The following GLYR1 variants were observed in gnomAD, a reference collection of about 807,000 sequenced individuals.
GLYR1 encodes the protein cytokine-like nuclear factor N-PAC.
In GLYR1, 21 loss-of-function variants were observed where a neutral mutation model predicts 72.7. The ratio of observed to expected loss-of-function variants is 0.29; its 90% CI spans 0.20 to 0.42. The LOEUF is 0.42. Ranked by LOEUF, GLYR1 falls within the 10% of genes least tolerant of loss-of-function variation. The probability of loss-of-function intolerance (pLI) is 1.00; values close to 1 mark genes in which losing one functional copy is unlikely to be tolerated. For missense variants in GLYR1, 594 were observed against 712.1 expected, an observed-to-expected ratio of 0.83 and a Z score of 1.89; for synonymous variants, 392 against 270.2, an observed-to-expected ratio of 1.45 and a Z score of -4.42.
chr16:4,837,450 T>C (rs73517010), intron 3 of GLYR1, among the ~76,000 whole-genome samples: 4,799 of 149,518 alleles, frequency 0.032, 258 homozygotes, highest in African/African-American at 0.11. Flanking sequence ...AAAAAGAAAA[T>C]CATACATGTA....
chr16:4,846,238 T>C, intron 1 of GLYR1, 28 bp from the exon 2 acceptor site: 1 of 1,613,520 alleles, frequency 6.2e-7, no homozygotes, highest in South Asian at 1.1e-5. Flanking sequence ...AGTCAACACT[T>C]GCCCTGCAAA....
intron 10 of GLYR1, 90 bp from the exon 11 acceptor site, chr16:4,814,737 G>C (rs1382546886): frequency 1.9e-6 from 2 of 1,059,054 alleles, no homozygotes; most frequent in Non-Finnish European, 2.9e-6. Context: ...AGGCCTCCTG[G>C]CGGCCTACCA....
At chr16:4,844,471 T>C (rs2085815640) in intron 3 of GLYR1, among the ~76,000 whole-genome samples, 2 of 152,244 alleles carry the variant, frequency 1.3e-5, no homozygotes, top group African/African-American at 4.8e-5. Context: ...TGAACATGGC[T>C]TTTATAAAAA....
intron 9 of GLYR1, among the ~76,000 whole-genome samples, chr16:4,819,523 C>G (rs1249530756): frequency 6.6e-6 from 1 of 152,074 alleles, no homozygotes; most frequent in Non-Finnish European, 1.5e-5. Context: ...ATTTCCTAGG[C>G]TGGTCATGAA....
intron 3 of GLYR1, among the ~76,000 whole-genome samples, chr16:4,834,656 G>C (rs1356835454): frequency 1.3e-5 from 2 of 152,010 alleles, no homozygotes; most frequent in Non-Finnish European, 2.9e-5. Flanking sequence ...AGTAGAGACG[G>C]GGTTTCCCTG....
Position 4,804,990 on chromosome 16 carries a change from C to T in GLYR1, c.*246G>A. ...GTGTGTGAACACACAGCCACCTCGT[C>T]CGGGGGGCCAGTGCCCAGCTCAAGA... On this transcript the variant is annotated 3_prime_UTR_variant, in exon 16 of 16. Transcript: ENST00000321919. The T allele has an allele frequency of 3.7e-6, 2 of 538,074 alleles. No individual in the cohort carries two copies. The highest frequency in any genetic ancestry group is 6.7e-6 in the Non-Finnish European group (2 of 296,514). 33.3% of individuals were successfully genotyped at this position (538,074 alleles called of 1,614,324 possible).
At chr16:4,819,155 A>G (rs1040065749) in intron 9 of GLYR1, among the ~76,000 whole-genome samples, 4 of 151,992 alleles carry the variant, frequency 2.6e-5, no homozygotes, top group African/African-American at 9.7e-5. Context: ...TCTTGTTTTT[A>G]TAGTTTTTAA....
chr16:4,811,790 T>A lies in GLYR1; in HGVS notation c.1295A>T (p.Asn432Ile). Residue 432 changes from asparagine to isoleucine, a missense_variant, in exon 14 of 16, where the codon AAT (asparagine) becomes ATT (isoleucine). Around this residue, in one of 5 missense-constraint regions of GLYR1, gnomAD observed 266 missense variants for 358.4 expected, o/e 0.74. Transcript: ENST00000321919. Reference sequence around the variant, plus strand: ...CACGATCAGCATCATCTTGGCTGCATTGCCCACTTCACCTGCCCAGGGTAA... The same window carrying A: ...CACGATCAGCATCATCTTGGCTGCAATGCCCACTTCACCTGCCCAGGGTAA... ...KTSFFLGEVG[N>I]AAKMMLIVNM... 1.2e-6 allele frequency: 2 copies of A among 1,613,204 alleles called. No individual in the cohort carries two copies.
intron 4 of GLYR1, 176 bp downstream of exon 4, chr16:4,832,598 G>A: frequency 1.3e-6 from 1 of 753,960 alleles, no homozygotes; most frequent in Non-Finnish European, 2.1e-6. Context: ...AGAAAGGTTA[G>A]CTGCATGGAG....
intron 7 of GLYR1, 63 bp downstream of exon 7, chr16:4,822,812 C>T: frequency 7.3e-7 from 1 of 1,361,324 alleles, no homozygotes; most frequent in East Asian, 2.3e-5. Context: ...GGCCAGGACC[C>T]AGTGGAGGAG....
chr16:4,811,722 G>A lies in GLYR1; in HGVS notation c.1363C>T (p.Leu455=), dbSNP rs1362197516. The A allele has an allele frequency of 2.5e-6, 4 of 1,614,076 alleles. No homozygotes were observed. Among genetic ancestry groups the A allele is most frequent in the African/African-American group, 2.7e-5 (2 of 74,942 alleles). Residue 455 remains leucine, a synonymous_variant, in exon 14 of 16, where the codon CTG becomes TTG. Coordinates refer to ENST00000321919, the MANE Select transcript of GLYR1 (RefSeq NM_032569.4). ...TGGCCTGTCACCTGGGCCAGGGTCAGCCCCTCGGCAATAGTGGCCATGAAG... is the reference window on the plus strand; with the variant it reads ...TGGCCTGTCACCTGGGCCAGGGTCAACCCCTCGGCAATAGTGGCCATGAAG... ...GSFMATIAEG[L]TLAQVTGQSQ...
intron 3 of GLYR1, among the ~76,000 whole-genome samples, chr16:4,843,242 C>T (rs765590803): frequency 5.3e-5 from 8 of 152,292 alleles, no homozygotes; most frequent in Non-Finnish European, 8.8e-5. Flanking sequence ...ACAATCTCTG[C>T]CTCCTGGGTT....
intron 5 of GLYR1, among the ~76,000 whole-genome samples, chr16:4,831,766 G>A (rs770164772): frequency 7.9e-5 from 12 of 152,156 alleles, no homozygotes; most frequent in Non-Finnish European, 1.6e-4. Context: ...GAGCTCCAAG[G>A]CTCAAGCCAT....
At chr16:4,817,815 C>A in intron 9 of GLYR1, 118 bp from the exon 10 acceptor site, 1 of 696,980 alleles carries the variant, frequency 1.4e-6, no homozygotes, top group Non-Finnish European at 2.6e-6. Context: ...ATTCAGACTG[C>A]CAGAAACAGC....
intron 3 of GLYR1, among the ~76,000 whole-genome samples, chr16:4,837,133 T>A (rs933431225): frequency 6.6e-6 from 1 of 152,214 alleles, no homozygotes; most frequent in African/African-American, 2.4e-5. Flanking sequence ...GCTTTCCTCT[T>A]AAATGAAAAT....
chr16:4,832,208 T>C lies in GLYR1; in HGVS notation c.308A>G (p.Asn103Ser), dbSNP rs941825299. Residue 103 changes from asparagine (N) to serine (S), a missense_variant, in exon 5 of 16, where the codon AAT becomes AGT. By Grantham distance (46) the Asn-to-Ser change is conservative. Around this residue, in one of 5 missense-constraint regions of GLYR1, gnomAD observed 252 missense variants for 211.3 expected, o/e 1.19. Coordinates refer to ENST00000321919, the MANE Select transcript of GLYR1 (RefSeq NM_032569.4). ...ACGTCGATTCTTGTCATCAGAAGAA[T>C]TGTGGGATGACGTCTGAAAGTTTAA... The part of the protein sequence containing the change: ...AKGKDQTSSH[N>S]SSDDKNRRNS... 8 of 1,614,004 alleles carry C rather than the reference T, an allele frequency of 5.0e-6. No homozygotes were observed. The highest frequency in any genetic ancestry group is 2.2e-5 in the East Asian group (1 of 44,896).
At chr16:4,830,778 A>G (rs2084747207) in intron 5 of GLYR1, among the ~76,000 whole-genome samples, 1 of 152,112 alleles carries the variant, frequency 6.6e-6, no homozygotes, top group Non-Finnish European at 1.5e-5. Context: ...AAGGCGAGAG[A>G]GGCACTCTCA....
intron 3 of GLYR1, among the ~76,000 whole-genome samples, chr16:4,834,364 G>A (rs975035683): frequency 5.4e-5 from 8 of 149,288 alleles, no homozygotes; most frequent in Non-Finnish European, 8.9e-5. Context: ...GCAATGGGGC[G>A]ATGTTGGCTC....
In GLYR1 at chr16:4,832,754, G is replaced by C. The variant is rs1442721855; in HGVS notation, c.294+20C>G. The C allele has an allele frequency of 6.3e-7, 1 of 1,594,880 alleles. No individual in the cohort carries two copies. The highest frequency in any genetic ancestry group is 1.3e-5 in the African/African-American group (1 of 74,262). ...ATCACCAGTCTGGCATTGGTAGAAA[G>C]TGAACATTGTGTCTCTCACCTGGTC... On this transcript the variant is annotated intron_variant, in intron 4 of 15. Coordinates refer to ENST00000321919, the MANE Select transcript of GLYR1 (RefSeq NM_032569.4).
Sources: gnomAD v4.1 joint callset for allele counts (sites outside exome capture counted in the v4.1 genomes callset) on GRCh38, gnomAD v4.1.1 for gene constraint, gnomAD v4.1.1 regional missense constraint, MANE v1.5 for transcripts, NCBI Gene and HGNC (gene_info 2026-07-23, HGNC 2026-07-21) for gene names.